RBM6: variants seen among roughly 807,000 people sequenced by gnomAD.
RBM6 encodes the protein RNA-binding protein 6.
Under a neutral mutation model 140.4 loss-of-function variants are expected in RBM6, and 23 were observed. The ratio of observed to expected loss-of-function variants is 0.16; its 90% CI spans 0.12 to 0.23. The LOEUF is 0.23. RBM6 is among the 10% of genes least tolerant of loss of function. The pLI, the probability that RBM6 is intolerant of heterozygous loss-of-function variation, is 1.00. For missense variants in RBM6, 1,139 were observed against 1,386.7 expected (o/e 0.82, Z 2.84); for synonymous variants, 439 against 475.6 (o/e 0.92, Z 1.00).
intron 5 of RBM6, among the ~76,000 whole-genome samples, chr3:49,991,953 T>TTTATTTATG (rs1553645347): frequency 1.5e-4 from 22 of 151,512 alleles, no homozygotes; most frequent in African/African-American, 2.7e-4. Context: ...TTTTATTTAT[T>TTTATTTATG]TATTTATTTA....
At position 50,066,398 on chromosome 3, in the gene RBM6, G is replaced by A. The variant is rs1231445108; in HGVS notation, c.2839G>A (p.Asp947Asn). Residue 947 changes from aspartate (D) to asparagine (N), a missense_variant, in exon 17 of 21, where the codon GAC becomes AAC. Asp to Asn is a conservative substitution (Grantham distance 23). Around this residue, in one of 9 missense-constraint regions of RBM6, gnomAD observed 40 missense variants for 80.1 expected, o/e 0.50. Coordinates refer to ENST00000266022, the MANE Select transcript of RBM6 (RefSeq NM_005777.3). ...GCAAACCAAGAAGGAGAATGAAGAAGACAAACTCACTGACTGGAATAAACT... is the reference window on the plus strand; with the variant it reads ...GCAAACCAAGAAGGAGAATGAAGAAAACAAACTCACTGACTGGAATAAACT... ...EEQTKKENEEDKLTDWNKLAC... is the reference protein window; with the variant it reads ...EEQTKKENEENKLTDWNKLAC... 2 of 1,613,922 alleles carry A rather than the reference G, an allele frequency of 1.2e-6. No individual in the cohort carries two copies. The highest frequency in any genetic ancestry group is 8.5e-7 in the Non-Finnish European group (1 of 1,180,040).
chr3:49,975,313 A>AT lies in RBM6; in HGVS notation c.1414-5dup, dbSNP rs1340277172. On this transcript the variant is annotated splice_polypyrimidine_tract_variant and intron_variant, in intron 4 of 20. Transcript: ENST00000266022. ...TTTGTATCATTTGTATAAATGCCAT[A>AT]TTTTTGCAGATTCTTAATGCTTTTC... 6.2e-7 allele frequency: 1 copy of AT among 1,603,920 alleles called. No individual in the cohort carries two copies. Among genetic ancestry groups the AT allele is most frequent in the Non-Finnish European group, 8.5e-7 (1 of 1,170,984 alleles).
chr3:49,987,646 CT>C (rs1330955086), intron 5 of RBM6, among the ~76,000 whole-genome samples: 13 of 147,442 alleles, frequency 8.8e-5, no homozygotes, highest in Middle Eastern at 3.5e-3. Context: ...TTTCTTTTTT[CT>C]TTTTTTTTTG....
chr3:49,967,666 C>G lies in RBM6; in HGVS notation c.241C>G (p.Pro81Ala). 2 of 1,614,054 alleles carry G rather than the reference C, an allele frequency of 1.2e-6. No homozygotes were observed. The highest frequency in any genetic ancestry group is 2.2e-5 in the South Asian group (2 of 91,066). ...TTTCAGCTATGGAGCTAGAGACGGA[C>G]CGCATGGTGACTATCGAGGAGGGGA... ...HSFSYGARDG[P>A]HGDYRGGEGP... Residue 81 changes from proline (P) to alanine (A), a missense_variant, in exon 3 of 21, where the codon CCG (proline) becomes GCG (alanine). By Grantham distance (27) the Pro-to-Ala change is conservative. Around this residue, in one of 9 missense-constraint regions of RBM6, gnomAD observed 566 missense variants for 612.7 expected, o/e 0.92. Coordinates refer to ENST00000266022, the MANE Select transcript of RBM6 (RefSeq NM_005777.3). The surrounding 1 kb of genome is among the most constrained non-coding windows in gnomAD (Gnocchi z 4.0).
chr3:49,992,256 A>G (rs976251255), intron 5 of RBM6, among the ~76,000 whole-genome samples: 1 of 152,146 alleles, frequency 6.6e-6, no homozygotes, highest in African/African-American at 2.4e-5. Flanking sequence ...TTGGTCCCAG[A>G]GCCTTTTAGA....
intron 6 of RBM6, among the ~76,000 whole-genome samples, chr3:50,038,635 T>C (rs1476561709): frequency 1.3e-5 from 2 of 151,994 alleles, no homozygotes; most frequent in African/African-American, 4.8e-5. Flanking sequence ...ATCGAGAACA[T>C]CCTGGCTAAC....
intron 4 of RBM6, among the ~76,000 whole-genome samples, chr3:49,973,048 C>G (rs1189376617): frequency 2.6e-5 from 4 of 152,164 alleles, no homozygotes; most frequent in Non-Finnish European, 5.9e-5. Flanking sequence ...TCAGGCTGGT[C>G]TTGAACTCCT....
chr3:49,965,830 C>G (rs963150033), intron 2 of RBM6, among the ~76,000 whole-genome samples: 1 of 151,944 alleles, frequency 6.6e-6, no homozygotes, highest in African/African-American at 2.4e-5. Flanking sequence ...ATTCCTGTTA[C>G]TTTAAGAAAG....
Position 50,066,294 on chromosome 3 carries a change from G to C in RBM6, c.2735G>C (p.Ser912Thr), listed in dbSNP as rs1274327350. 1 of 1,614,170 alleles carries C rather than the reference G, an allele frequency of 6.2e-7. No homozygotes were observed. Among genetic ancestry groups the C allele is most frequent in the East Asian group, 2.2e-5 (1 of 44,890 alleles). ...IGLLGEYGGDSDYEEEEEEEQ... is the reference protein window; with the variant it reads ...IGLLGEYGGDTDYEEEEEEEQ... ...CTCTTGGGTGAATATGGAGGAGACA[G>C]TGACTATGAGGAGGAAGAAGAGGAG... Residue 912 changes from serine to threonine, a missense_variant, in exon 17 of 21, where the codon AGT becomes ACT. Ser to Thr is a moderately conservative substitution (Grantham distance 58). Transcript: ENST00000266022.
rs1391508288 is a variant in RBM6 at position 49,967,990 on chromosome 3, G to A, written c.565G>A (p.Asp189Asn). The change falls in exon 3 of 21, where the codon GAT becomes AAT. Residue 189 changes from aspartate to asparagine, a missense_variant. Around this residue, in one of 9 missense-constraint regions of RBM6, gnomAD observed 566 missense variants for 612.7 expected, o/e 0.92. Coordinates refer to ENST00000266022, the MANE Select transcript of RBM6 (RefSeq NM_005777.3). The surrounding 1 kb of genome is among the most constrained non-coding windows in gnomAD (Gnocchi z 4.0). Reference sequence around the variant, plus strand: ...TTATGATTTAGATTTTAGAGGCCGGGATGGATCCCATGCAGATTTTAGGGG... The same window carrying A: ...TTATGATTTAGATTTTAGAGGCCGGAATGGATCCCATGCAGATTTTAGGGG... The part of the protein sequence containing the change: ...GTYDLDFRGR[D>N]GSHADFRGRD... 10 of 1,614,064 alleles carry A rather than the reference G, an allele frequency of 6.2e-6. No homozygotes were observed. The highest frequency in any genetic ancestry group is 8.5e-6 in the Non-Finnish European group (10 of 1,180,038).
chr3:50,043,474 C>T lies in RBM6; in HGVS notation c.1558-4771C>T, dbSNP rs1361136474. Among the ~76,000 whole-genome samples the T allele has an allele frequency of 3.4e-5, 4 of 118,790 alleles. No individual in the cohort carries two copies. In the East Asian group the frequency reaches 1.3e-3, roughly 38 times the overall value. The allele number at this position is 118,790 out of a possible 152,430, so 77.9% of individuals were successfully genotyped here. A position where few individuals can be genotyped will look rare whatever the true frequency, so the allele number is the denominator to read the frequency against. On this transcript the variant is annotated intron_variant, in intron 6 of 20. Transcript: ENST00000266022. Reference sequence around the variant, plus strand: ...TGCCACTCCAGCCTGGGCAACAGAGCAAGACCCTGTCTCAAAAAAAAAAAA... The same window carrying T: ...TGCCACTCCAGCCTGGGCAACAGAGTAAGACCCTGTCTCAAAAAAAAAAAA...
At chr3:50,032,287 C>T (rs2088214949) in intron 6 of RBM6, among the ~76,000 whole-genome samples, 1 of 151,514 alleles carries the variant, frequency 6.6e-6, no homozygotes. Flanking sequence ...TGGAGACCAT[C>T]CTGGCCAACA....
chr3:49,973,292 G>GT (rs995776948), intron 4 of RBM6, among the ~76,000 whole-genome samples: 1 of 151,916 alleles, frequency 6.6e-6, no homozygotes, highest in African/African-American at 2.4e-5. Flanking sequence ...TAATGGGGCT[G>GT]TTTTTTGTAT....
chr3:49,970,323 C>T (rs1453427617), intron 3 of RBM6, among the ~76,000 whole-genome samples: 1 of 152,034 alleles, frequency 6.6e-6, no homozygotes, highest in Non-Finnish European at 1.5e-5. Context: ...CAAGCAGTCC[C>T]CCCACCTTAG....
chr3:49,970,232 T>C (rs2084727850), intron 3 of RBM6, among the ~76,000 whole-genome samples: 1 of 152,086 alleles, frequency 6.6e-6, no homozygotes, highest in Admixed American at 6.6e-5. Flanking sequence ...TGCACCACCA[T>C]GCCTGGCCAG....
At chr3:49,978,255 C>A (rs557660716) in intron 5 of RBM6, among the ~76,000 whole-genome samples, 70 of 152,160 alleles carry the variant, frequency 4.6e-4, no homozygotes, top group Non-Finnish European at 5.0e-4. Flanking sequence ...CCTGCCTCAT[C>A]CTCCCACAGT....
intron 18 of RBM6, 145 bp from the exon 19 acceptor site, chr3:50,070,310 A>T: frequency 1.7e-6 from 1 of 600,336 alleles, no homozygotes; most frequent in Non-Finnish European, 3.0e-6. Flanking sequence ...AGCTGAGATC[A>T]CGCCAGTGTA....
At position 49,967,976 on chromosome 3, in the gene RBM6, A is replaced by G. The variant is rs1050740390; in HGVS notation, c.551A>G (p.Asp184Gly). 2 of 1,613,992 alleles carry G rather than the reference A, an allele frequency of 1.2e-6. No homozygotes were observed. The highest frequency in any genetic ancestry group is 1.7e-6 in the Non-Finnish European group (2 of 1,180,026). Residue 184 changes from aspartate (D) to glycine (G), a missense_variant, in exon 3 of 21, where the codon GAT becomes GGT. By Grantham distance (94) the Asp-to-Gly change is moderately conservative. Coordinates refer to ENST00000266022, the MANE Select transcript of RBM6 (RefSeq NM_005777.3). This position sits in a 1 kb window ranked among gnomAD's most constrained non-coding sequence, Gnocchi z 4.0. Reference sequence around the variant, plus strand: ...AGGGGCCGGGGCACTTATGATTTAGATTTTAGAGGCCGGGATGGATCCCAT... The same window carrying G: ...AGGGGCCGGGGCACTTATGATTTAGGTTTTAGAGGCCGGGATGGATCCCAT... ...DFRGRGTYDL[D>G]FRGRDGSHAD...
chr3:50,000,620 T>C (rs2086282866), intron 6 of RBM6, among the ~76,000 whole-genome samples: 1 of 152,068 alleles, frequency 6.6e-6, no homozygotes, highest in African/African-American at 2.4e-5. Flanking sequence ...GGTTTCTCCA[T>C]GTTGGTCAGG....
Sources: gnomAD v4.1 joint callset for allele counts (sites outside exome capture counted in the v4.1 genomes callset) on GRCh38, gnomAD v4.1.1 for gene constraint, gnomAD v4.1.1 regional missense constraint, Gnocchi (gnomAD v3.1) non-coding constraint, MANE v1.5 for transcripts, NCBI Gene and HGNC (gene_info 2026-07-23, HGNC 2026-07-21) for gene names.